Variants in MED21 observed in about 807,000 individuals in gnomAD.
MED21 encodes the protein mediator of RNA polymerase II transcription subunit 21.
In MED21, 9 loss-of-function variants were observed where a neutral mutation model predicts 18.2. That is an observed-to-expected ratio of 0.49 (90% CI 0.30 to 0.86). The LOEUF (loss-of-function observed/expected upper bound fraction) is 0.86. Ranked by LOEUF, MED21 falls within the 40% of genes least tolerant of loss-of-function variation. MED21 has a pLI of 0.07. For missense variants in MED21, 150 were observed against 170.9 expected (o/e 0.88, Z 0.68); for synonymous variants, 73 against 60.5 (o/e 1.21, Z -0.96).
intron 2 of MED21, chr12:27,038,297 T>G (rs2136500525): frequency 6.6e-6 from 1 of 151,540 alleles, no homozygotes; most frequent in East Asian, 1.9e-4. Context: ...ACATTTTCAG[T>G]GACATTAAAT....
downstream of MED21, among the ~76,000 whole-genome samples, chr12:27,033,405 A>G (rs1263040793): frequency 2.0e-5 from 3 of 152,156 alleles, no homozygotes; most frequent in African/African-American, 7.2e-5. Flanking sequence ...CATTTTTCAA[A>G]GGCTCGACCC....
downstream of MED21, chr12:27,030,760 C>G (rs1941610707): frequency 6.6e-6 from 1 of 152,108 alleles, no homozygotes; most frequent in East Asian, 1.9e-4. Context: ...ATCAGTTAAC[C>G]CTAAAGATTT....
At chr12:27,023,018 A>T in intron 1 of MED21, 3 of 695,568 alleles carry the variant, frequency 4.3e-6, no homozygotes, top group Non-Finnish European at 5.8e-6. Flanking sequence ...CATCAATTTT[A>T]ATCCACCAAG....
rs910920055 is a variant in MED21 at position 27,029,156 on chromosome 12, A to C, written c.*695A>C. 1 of 985,018 alleles carries C rather than the reference A, an allele frequency of 1.0e-6. No homozygotes were observed. The highest frequency in any genetic ancestry group is 1.2e-6 in the Non-Finnish European group (1 of 829,726). 61.0% of individuals were successfully genotyped at this position (985,018 alleles called of 1,614,324 possible). A position where few individuals can be genotyped will look rare whatever the true frequency, so the allele number is the denominator to read the frequency against. Reference sequence around the variant, plus strand: ...TTTCACCTTGCTTTTTTTCATCCTTAATTTGCTTGTCATCACAATGAAGTA... The same window carrying C: ...TTTCACCTTGCTTTTTTTCATCCTTCATTTGCTTGTCATCACAATGAAGTA... On this transcript the variant is annotated 3_prime_UTR_variant, in exon 4 of 4. Transcript: ENST00000282892.
chr12:27,031,333 C>G (rs779251815), downstream of MED21, among the ~76,000 whole-genome samples: 20 of 152,208 alleles, frequency 1.3e-4, no homozygotes, highest in Middle Eastern at 0.01. Flanking sequence ...AGAGAGTGTC[C>G]TCTGGATCCT....
chr12:27,023,296 T>TTTTC (rs1025477391), intron 1 of MED21, among the ~76,000 whole-genome samples: 5 of 75,410 alleles, frequency 6.6e-5, no homozygotes, highest in South Asian at 5.1e-4. Flanking sequence ...GTCTTTTTTC[T>TTTTC]TTTCTTTTTT....
chr12:27,036,520 A>G (rs1015527593), intron 2 of MED21, among the ~76,000 whole-genome samples: 3 of 152,206 alleles, frequency 2.0e-5, no homozygotes, highest in Admixed American at 6.5e-5. Context: ...GCCCATGCCT[A>G]TGTCCTGAAT....
intron 1 of MED21, among the ~76,000 whole-genome samples, chr12:27,026,117 T>A (rs1815689213): frequency 6.6e-6 from 1 of 152,248 alleles, no homozygotes; most frequent in Admixed American, 6.5e-5. Flanking sequence ...TATTGGCCAA[T>A]ATTCTCTTAT....
Position 27,028,780 on chromosome 12 carries a change from G to A in MED21, c.*319G>A. 3 of 1,014,834 alleles carry A rather than the reference G, an allele frequency of 3.0e-6. No individual in the cohort carries two copies. Among genetic ancestry groups the A allele is most frequent in the Non-Finnish European group, 3.5e-6 (3 of 847,158 alleles). 62.9% of individuals were successfully genotyped at this position (1,014,834 alleles called of 1,614,324 possible). A position where few individuals can be genotyped will look rare whatever the true frequency, so the allele number is the denominator to read the frequency against. On this transcript the variant is annotated 3_prime_UTR_variant, in exon 4 of 4. Transcript: ENST00000282892. ...ACATAATTTATGTCTCCATTTTGTT[G>A]TATTGGCCAGTACTTTTACAAATCA... is the stretch of plus-strand genomic sequence containing the variant.
chr12:27,035,439 C>CTT (rs1309406496), downstream of MED21, among the ~76,000 whole-genome samples: 1 of 139,368 alleles, frequency 7.2e-6, no homozygotes, highest in Non-Finnish European at 1.6e-5. Flanking sequence ...TTTGTTATTT[C>CTT]TTTTTTTTTT....
At chr12:27,035,207 T>C (rs983661492), downstream of MED21, among the ~76,000 whole-genome samples, 2 of 152,088 alleles carry the variant, frequency 1.3e-5, no homozygotes, top group African/African-American at 2.4e-5. Context: ...ACAGACCCTG[T>C]CTCAAACAAA....
downstream of MED21, among the ~76,000 whole-genome samples, chr12:27,035,065 A>T (rs1345402035): frequency 6.6e-6 from 1 of 152,084 alleles, no homozygotes; most frequent in Non-Finnish European, 1.5e-5. Context: ...AAAACTCTTA[A>T]TTAGCCCGGT....
At chr12:27,026,685 C>T (rs1419015910) in intron 2 of MED21, 151 bp downstream of exon 2, 6 of 673,170 alleles carry the variant, frequency 8.9e-6, no homozygotes, top group South Asian at 1.7e-5. Context: ...AAAAAATTTA[C>T]AGTCAATTCA....
downstream of MED21, among the ~76,000 whole-genome samples, chr12:27,032,884 G>C (rs1417137303): frequency 3.3e-5 from 5 of 152,116 alleles, no homozygotes; most frequent in Admixed American, 3.3e-4. Flanking sequence ...GCCAGCACTG[G>C]ACTGTGGAAT....
At chr12:27,023,593 G>T (rs1322145149) in intron 1 of MED21, among the ~76,000 whole-genome samples, 1 of 151,902 alleles carries the variant, frequency 6.6e-6, no homozygotes, top group Non-Finnish European at 1.5e-5. Context: ...CACCGTGCCC[G>T]GCCTACAAGT....
intron 3 of MED21, among the ~76,000 whole-genome samples, chr12:27,028,072 T>G (rs1488366691): frequency 6.6e-6 from 1 of 152,096 alleles, no homozygotes; most frequent in African/African-American, 2.4e-5. Flanking sequence ...TGTAAGGGAG[T>G]CACTTAAAGA....
In MED21 at chr12:27,029,254, A is replaced by G. The variant is rs1395203617; in HGVS notation, c.*793A>G. On this transcript the variant is annotated 3_prime_UTR_variant, in exon 4 of 4. Coordinates refer to ENST00000282892, the MANE Select transcript of MED21 (RefSeq NM_004264.5). ...TTCTTTTGCCCTTATTAACCTCTCA[A>G]CTTTTATTGCTGTATTCTAGTCAGA... 1.0e-6 allele frequency: 1 copy of G among 985,240 alleles called. No homozygotes were observed. Among genetic ancestry groups the G allele is most frequent in the Non-Finnish European group, 1.2e-6 (1 of 829,882 alleles). 61.0% of individuals were successfully genotyped at this position (985,240 alleles called of 1,614,324 possible).
intron 1 of MED21, among the ~76,000 whole-genome samples, chr12:27,024,702 G>A (rs1293090669): frequency 1.3e-5 from 2 of 152,156 alleles, no homozygotes; most frequent in Non-Finnish European, 2.9e-5. Flanking sequence ...AAGCCTTTAG[G>A]ATAACTAGTA....
chr12:27,036,450 C>G (rs1339673854), intron 2 of MED21, among the ~76,000 whole-genome samples: 2 of 152,182 alleles, frequency 1.3e-5, no homozygotes, highest in Non-Finnish European at 2.9e-5. Flanking sequence ...TAATTAGATC[C>G]CATTTGTCAA....
Sources: allele counts gnomAD v4.1 joint callset (sites outside exome capture counted in the v4.1 genomes callset), GRCh38; gene constraint gnomAD v4.1.1; transcripts MANE v1.5; gene names NCBI Gene and HGNC (gene_info 2026-07-23, HGNC 2026-07-21).